FLACC1: variants seen among roughly 807,000 people sequenced by gnomAD.
FLACC1 encodes flagellum associated containing coiled-coil domains 1.
FLACC1 carries 66 observed loss-of-function variants against 62.8 expected under a neutral mutation model. The observed-to-expected ratio is 1.05, with a 90% CI of 0.86 to 1.29. FLACC1 has a LOEUF of 1.29. FLACC1 is among the 50% of genes most tolerant of loss of function. The probability of loss-of-function intolerance (pLI) is 0.00; values close to 1 mark genes in which losing one functional copy is unlikely to be tolerated. For synonymous variants in FLACC1, 156 were observed against 161.0 expected (o/e 0.97, Z 0.24); for missense variants, 452 against 489.1 (o/e 0.92, Z 0.71).
At chr2:201,347,642 C>CA (rs199933300) in intron 4 of FLACC1, among the ~76,000 whole-genome samples, 13,322 of 145,574 alleles carry the variant, frequency 0.092, 846 homozygotes, top group Non-Finnish European at 0.13. Flanking sequence ...AAAAACAAAA[C>CA]AAAAAAAAGA....
chr2:201,346,645 G>C lies in FLACC1; in HGVS notation c.265C>G (p.Leu89Val). The part of the protein sequence containing the change: ...EVINVSPGYQ[L>V]VRNREQISVT... ...GAAATCTGTTCCCGATTCCGAACAA[G>C]TTGATAGCCAGGTGACACGTTGATC... Residue 89 changes from leucine to valine, a missense_variant, in exon 5 of 15, where the codon CTT becomes GTT. Around this residue, in one of 3 missense-constraint regions of FLACC1, gnomAD observed 147 missense variants for 152.7 expected, o/e 0.96. Transcript: ENST00000392257. This position sits in a 1 kb window ranked among gnomAD's most constrained non-coding sequence, Gnocchi z 4.0. The C allele has an allele frequency of 6.2e-6, 10 of 1,614,264 alleles. No individual in the cohort carries two copies. Among genetic ancestry groups the C allele is most frequent in the Non-Finnish European group, 7.6e-6 (9 of 1,180,052 alleles).
intron 7 of FLACC1, among the ~76,000 whole-genome samples, chr2:201,338,900 T>C (rs1014007594): frequency 6.6e-6 from 1 of 152,220 alleles, no homozygotes. Context: ...GTCATCTGAC[T>C]TTGGTATTAA....
At chr2:201,347,825 C>T (rs1317233851) in intron 4 of FLACC1, among the ~76,000 whole-genome samples, 1 of 152,198 alleles carries the variant, frequency 6.6e-6, no homozygotes, top group African/African-American at 2.4e-5. Context: ...GCGTCAAGAG[C>T]CTTCGAGTTT....
chr2:201,344,120 A>G (rs766686508), intron 6 of FLACC1, 50 bp downstream of exon 6: 1 of 1,509,392 alleles, frequency 6.6e-7, no homozygotes, highest in South Asian at 1.2e-5. Flanking sequence ...ATTCAAAAAT[A>G]TTAATTTTAT....
At chr2:201,304,632 C>T (rs1218351403) in intron 11 of FLACC1, among the ~76,000 whole-genome samples, 1 of 152,126 alleles carries the variant, frequency 6.6e-6, no homozygotes, top group Non-Finnish European at 1.5e-5. Context: ...CAAGACAATC[C>T]TAAGCCAAAA....
chr2:201,342,270 A>C, intron 7 of FLACC1, 100 bp downstream of exon 7: 1 of 1,231,434 alleles, frequency 8.1e-7, no homozygotes, highest in Admixed American at 1.9e-5. Flanking sequence ...CCCCAACTCC[A>C]TTTAGAACTA....
rs1169863206 is a variant in FLACC1 at position 201,344,177 on chromosome 2, TG to T, written c.454del (p.Gln152ArgfsTer15). ...TAATGTAAGGTCACTCACCAATTTCTGGGCAGACTGGTGGTCTCTGTTCATT... is the reference window on the plus strand; with the variant it reads ...TAATGTAAGGTCACTCACCAATTTCTGGCAGACTGGTGGTCTCTGTTCATT... ...EQMNRDHQSA[Q>X]KLLSSEMDLR... is the part of the protein sequence containing the mutation. On this transcript the variant is annotated frameshift_variant, in exon 6 of 15. Coordinates refer to ENST00000392257, the MANE Select transcript of FLACC1 (RefSeq NM_001127391.3). LOFTEE classifies it high-confidence loss of function. 1 of 1,609,924 alleles carries T rather than the reference TG, an allele frequency of 6.2e-7. No homozygotes were observed. The highest frequency in any genetic ancestry group is 1.7e-5 in the Admixed American group (1 of 59,328).
intron 7 of FLACC1, 88 bp from the exon 8 acceptor site, chr2:201,330,921 C>G (rs1950581837): frequency 4.2e-6 from 4 of 960,054 alleles, no homozygotes; most frequent in Non-Finnish European, 6.0e-6. Flanking sequence ...ACCCTCCACC[C>G]TCCCACAGGA....
At chr2:201,304,049 T>C (rs1005855765) in intron 11 of FLACC1, among the ~76,000 whole-genome samples, 8 of 152,194 alleles carry the variant, frequency 5.3e-5, no homozygotes, top group Non-Finnish European at 8.8e-5. Context: ...TCACCACTCC[T>C]ATTCAACATA....
intron 1 of FLACC1, among the ~76,000 whole-genome samples, chr2:201,352,765 A>G (rs1391032528): frequency 6.6e-6 from 1 of 152,234 alleles, no homozygotes; most frequent in African/African-American, 2.4e-5. Flanking sequence ...TAATCCCTGG[A>G]AAGTGTGACT....
At chr2:201,341,744 T>C (rs968405273) in intron 7 of FLACC1, among the ~76,000 whole-genome samples, 5 of 152,184 alleles carry the variant, frequency 3.3e-5, no homozygotes, top group African/African-American at 9.7e-5. Context: ...TTTTACATTA[T>C]ATCTTTGTAA....
At chr2:201,300,634 G>A (rs1399387158) in intron 11 of FLACC1, among the ~76,000 whole-genome samples, 1 of 151,948 alleles carries the variant, frequency 6.6e-6, no homozygotes, top group African/African-American at 2.4e-5. Context: ...CCTCAAGTGG[G>A]TCCCTGACCC....
chr2:201,294,474 G>GT lies in FLACC1; in HGVS notation c.943-4690dup, dbSNP rs755033007. On this transcript the variant is annotated intron_variant, in intron 12 of 14. Coordinates refer to ENST00000392257, the MANE Select transcript of FLACC1 (RefSeq NM_001127391.3). ...AGGCCTTCAACAAAATTCGAAAACCGTTCATGCTAAAAACTCTCAATAAAT... is the reference window on the plus strand; with the variant it reads ...AGGCCTTCAACAAAATTCGAAAACCGTTTCATGCTAAAAACTCTCAATAAAT... Among the ~76,000 whole-genome samples, 339 of 152,120 alleles carry GT rather than the reference G, an allele frequency of 2.2e-3. 1 individual carries two copies. The highest frequency in any genetic ancestry group is 2.7e-3 in the Admixed American group (41 of 15,266).
Position 201,289,676 on chromosome 2 carries a change from C to T in FLACC1, c.1032+20G>A, listed in dbSNP as rs756361447. ...TGGGTTCTTCCCCCAACCCCCATCC[C>T]CACTCCAGTAGGGACTCACCTCTTT... On this transcript the variant is annotated intron_variant, in intron 13 of 14. Transcript: ENST00000392257. 6.2e-7 allele frequency: 1 copy of T among 1,612,490 alleles called. No homozygotes were observed. Among genetic ancestry groups the T allele is most frequent in the Non-Finnish European group, 8.5e-7 (1 of 1,178,922 alleles).
the FLACC1 span, among the ~76,000 whole-genome samples, chr2:201,363,199 A>G: frequency 0.097 from 14,687 of 151,814 alleles, 1,081 homozygotes; most frequent in East Asian, 0.27. Flanking sequence ...TCTCTGCTCC[A>G]CACCCAGGCA....
intron 11 of FLACC1, among the ~76,000 whole-genome samples, chr2:201,303,535 T>C (rs1007304820): frequency 1.3e-5 from 2 of 152,168 alleles, no homozygotes; most frequent in African/African-American, 4.8e-5. Context: ...TTTGAAACTA[T>C]TGCAATCAAT....
intron 10 of FLACC1, among the ~76,000 whole-genome samples, chr2:201,308,294 G>C (rs904340296): frequency 6.6e-6 from 1 of 152,094 alleles, no homozygotes; most frequent in Non-Finnish European, 1.5e-5. Context: ...ATATGACTTG[G>C]GTTCTATTGC....
rs34670804 is a variant in FLACC1, at chr2:201,289,327, C to T, written c.1142+130G>A. 680 of 776,806 alleles carry T rather than the reference C, an allele frequency of 8.8e-4. 5 individuals are homozygous for T. In the African/African-American group the frequency reaches 0.011, roughly 12 times the overall value. 48.1% of individuals were successfully genotyped at this position (776,806 alleles called of 1,614,324 possible). A position where few individuals can be genotyped will look rare whatever the true frequency, so the allele number is the denominator to read the frequency against. ...TCACTGGCCTAGAGTGACATACCTC[C>T]CTCCCGAAAACACCTGTGCCTTGAC... On this transcript the variant is annotated intron_variant, in intron 14 of 14. Transcript: ENST00000392257.
intron 9 of FLACC1, among the ~76,000 whole-genome samples, chr2:201,328,087 A>G (rs2125589881): frequency 6.6e-6 from 1 of 152,328 alleles, no homozygotes; most frequent in East Asian, 1.9e-4. Flanking sequence ...ATGTCACTTA[A>G]AAGTGGGAGC....
Sources: allele counts gnomAD v4.1 joint callset (sites outside exome capture counted in the v4.1 genomes callset), GRCh38; gene constraint gnomAD v4.1.1; regional missense constraint gnomAD v4.1.1; non-coding constraint Gnocchi (gnomAD v3.1); transcripts MANE v1.5; gene names NCBI Gene and HGNC (gene_info 2026-07-23, HGNC 2026-07-21).